UBE2E2: variants seen among roughly 807,000 people sequenced by gnomAD.
The protein encoded by UBE2E2 is ubiquitin conjugating enzyme E2 E2.
Under a neutral mutation model 24.7 loss-of-function variants are expected in UBE2E2, and 6 were observed. That is an observed-to-expected ratio of 0.24 (90% confidence interval 0.13 to 0.48). The LOEUF is 0.48. Among genes scored for constraint, UBE2E2 ranks in the 20% least tolerant of loss-of-function variants. UBE2E2 has a pLI of 0.99. For missense variants in UBE2E2, 169 were observed against 245.0 expected, an observed-to-expected ratio of 0.69 and a Z score of 2.07; for synonymous variants, 104 against 83.6, an observed-to-expected ratio of 1.24 and a Z score of -1.33.
intron 3 of UBE2E2, among the ~76,000 whole-genome samples, chr3:23,333,340 ATAAGT>A (rs1336909466): frequency 1.3e-5 from 2 of 152,250 alleles, no homozygotes; most frequent in African/African-American, 4.8e-5. Context: ...GACTGAGAGA[ATAAGT>A]TATAGGACAT....
chr3:23,237,889 C>T (rs939186157), intron 3 of UBE2E2, among the ~76,000 whole-genome samples: 8 of 152,078 alleles, frequency 5.3e-5, no homozygotes, highest in Non-Finnish European at 1.2e-4. Context: ...TTCTTCAGAA[C>T]GTGGGCTTAA....
chr3:23,203,191 G>T, upstream of UBE2E2: 1 of 986,004 alleles, frequency 1.0e-6, no homozygotes, highest in South Asian at 4.5e-5. Context: ...CAGCCACAGC[G>T]ACAGCCGCGG....
chr3:23,299,849 C>T (rs567097914), intron 3 of UBE2E2, among the ~76,000 whole-genome samples: 2 of 152,102 alleles, frequency 1.3e-5, no homozygotes, highest in South Asian at 2.1e-4. Flanking sequence ...TGTTAACTTT[C>T]TGTCTCGTTG....
chr3:23,403,389 A>G (rs1176387306), intron 3 of UBE2E2, among the ~76,000 whole-genome samples: 1 of 152,232 alleles, frequency 6.6e-6, no homozygotes, highest in Non-Finnish European at 1.5e-5. Flanking sequence ...TGCCTACGTC[A>G]AACGATACAA....
chr3:23,305,691 C>T (rs1003475106), intron 3 of UBE2E2, among the ~76,000 whole-genome samples: 2 of 151,956 alleles, frequency 1.3e-5, no homozygotes, highest in African/African-American at 4.8e-5. Context: ...TTTAATGGTC[C>T]CCTTTTCTTA....
At chr3:23,273,995 T>C (rs1252624835) in intron 3 of UBE2E2, 1 of 152,250 alleles carries the variant, frequency 6.6e-6, no homozygotes, top group Non-Finnish European at 1.5e-5. Context: ...ATCATTATTG[T>C]TCAGAAACCC....
At chr3:23,427,091 A>G (rs1471872132) in intron 3 of UBE2E2, among the ~76,000 whole-genome samples, 3 of 151,996 alleles carry the variant, frequency 2.0e-5, no homozygotes, top group African/African-American at 7.2e-5. Flanking sequence ...TTTTAAAGGT[A>G]TTTTGCAAAC....
chr3:23,259,847 A>G (rs1035509120), intron 3 of UBE2E2, among the ~76,000 whole-genome samples: 7 of 152,176 alleles, frequency 4.6e-5, no homozygotes, highest in African/African-American at 1.7e-4. Context: ...TTGCCTATTA[A>G]CTTTTCTCTG....
At chr3:23,494,216 T>TA (rs1370836303) in intron 3 of UBE2E2, among the ~76,000 whole-genome samples, 3 of 152,212 alleles carry the variant, frequency 2.0e-5, no homozygotes, top group Non-Finnish European at 2.9e-5. Context: ...CACTTCTTGA[T>TA]TCATGATACA....
chr3:23,258,723 C>T (rs1017832240), intron 3 of UBE2E2, among the ~76,000 whole-genome samples: 2 of 151,826 alleles, frequency 1.3e-5, no homozygotes, highest in Admixed American at 1.3e-4. Context: ...AAAACCTTGT[C>T]TCTACTAAAA....
chr3:23,472,890 C>T (rs1007352681), intron 3 of UBE2E2, among the ~76,000 whole-genome samples: 5 of 151,950 alleles, frequency 3.3e-5, no homozygotes, highest in South Asian at 2.1e-4. Context: ...TGGGCTCAAG[C>T]GATCCTCTCA....
At position 23,300,707 on chromosome 3, in the gene UBE2E2, G is replaced by C. The variant is rs554939047; in HGVS notation, c.227+83395G>C. ...GGTAACCCGACCTTTCTCTCTGGCT[G>C]CCCTTAACATTTTTTCCTTCATTTC... On this transcript the variant is annotated intron_variant, in intron 3 of 5. Coordinates refer to ENST00000396703, the MANE Select transcript of UBE2E2 (RefSeq NM_152653.4). Among the ~76,000 whole-genome samples, 149 of 152,202 alleles carry C rather than the reference G, an allele frequency of 9.8e-4. No homozygotes were observed. The Middle Eastern group carries it at 0.02, about 21-fold the overall frequency.
chr3:23,392,843 T>C (rs569365396), intron 3 of UBE2E2, among the ~76,000 whole-genome samples: 1 of 152,186 alleles, frequency 6.6e-6, no homozygotes, highest in South Asian at 2.1e-4. Flanking sequence ...GAAAGATGAA[T>C]AATATTGACA....
chr3:23,378,401 A>T lies in UBE2E2; in HGVS notation c.228-121207A>T, dbSNP rs774328362. On this transcript the variant is annotated intron_variant, in intron 3 of 5. Coordinates refer to ENST00000396703, the MANE Select transcript of UBE2E2 (RefSeq NM_152653.4). ...TTCTGTGATGTTGATTATACTCTAAAGTATACATGTGAAGCTAGAGTTGAA... is the reference window on the plus strand; with the variant it reads ...TTCTGTGATGTTGATTATACTCTAATGTATACATGTGAAGCTAGAGTTGAA... Among the ~76,000 whole-genome samples the T allele has an allele frequency of 2.2e-4, 33 of 152,302 alleles. No homozygotes were observed. In the East Asian group the frequency reaches 2.7e-3, roughly 12 times the overall value.
intron 3 of UBE2E2, among the ~76,000 whole-genome samples, chr3:23,303,069 C>T (rs1029424031): frequency 1.3e-5 from 2 of 152,114 alleles, no homozygotes; most frequent in African/African-American, 2.4e-5. Flanking sequence ...CTCTGCCTCC[C>T]GTCAGATCAG....
chr3:23,349,279 C>T (rs1043489228), intron 3 of UBE2E2, among the ~76,000 whole-genome samples: 1 of 152,194 alleles, frequency 6.6e-6, no homozygotes, highest in Non-Finnish European at 1.5e-5. Context: ...GGAACAGCTC[C>T]AGTCTACAGC....
intron 3 of UBE2E2, among the ~76,000 whole-genome samples, chr3:23,287,332 T>C (rs565731391): frequency 6.6e-6 from 1 of 152,266 alleles, no homozygotes; most frequent in South Asian, 2.1e-4. Context: ...CGCTAGTATT[T>C]TGTTGAAGAT....
At chr3:23,223,405 C>T (rs1351374629) in intron 3 of UBE2E2, among the ~76,000 whole-genome samples, 1 of 152,048 alleles carries the variant, frequency 6.6e-6, no homozygotes. Flanking sequence ...GTTGGCCGGG[C>T]TGGTCTCAAA....
At chr3:23,412,216 G>T (rs1697511125) in intron 3 of UBE2E2, among the ~76,000 whole-genome samples, 1 of 152,048 alleles carries the variant, frequency 6.6e-6, no homozygotes, top group Admixed American at 6.6e-5. Flanking sequence ...TCGATGAAAT[G>T]CATTGTAATT....
Sources: gnomAD v4.1 joint callset for allele counts (sites outside exome capture counted in the v4.1 genomes callset) on GRCh38, gnomAD v4.1.1 for gene constraint, MANE v1.5 for transcripts, NCBI Gene and HGNC (gene_info 2026-07-23, HGNC 2026-07-21) for gene names.